GGA2: variants seen among roughly 807,000 people sequenced by gnomAD.
GGA2 encodes ADP-ribosylation factor-binding protein GGA2.
A neutral mutation model predicts 79.5 loss-of-function variants in GGA2; 48 were observed. That is an observed-to-expected ratio of 0.60 (90% CI 0.48 to 0.77). GGA2 has a LOEUF of 0.77. Ranked by LOEUF, GGA2 falls within the 30% of genes least tolerant of loss-of-function variation. GGA2 has a pLI of 0.00. For synonymous variants in GGA2, 317 were observed against 302.0 expected (o/e 1.05, Z -0.51); for missense variants, 770 against 774.0 (o/e 0.99, Z 0.06).
intron 16 of GGA2, among the ~76,000 whole-genome samples, chr16:23,468,244 C>A (rs1964466703): frequency 6.6e-6 from 1 of 152,132 alleles, no homozygotes; most frequent in African/African-American, 2.4e-5. Flanking sequence ...GTGGTGCGAT[C>A]TTGGCTCACT....
chr16:23,473,330 C>CTTTTTTTTTT lies in GGA2; in HGVS notation c.1450+1564_1450+1573dup, dbSNP rs34972165. On this transcript the variant is annotated intron_variant, in intron 14 of 16. Transcript: ENST00000309859. The stretch of plus-strand genomic sequence containing the variant: ...GTATAGATGATTTTACTTTTCTAGT[C>CTTTTTTTTTT]TTTTTTTTTTTTTTTTTTTTTTTTT... 1.8e-4 allele frequency among the ~76,000 whole-genome samples: 13 copies of CTTTTTTTTTT among 70,692 alleles called. 4 individuals are homozygous for CTTTTTTTTTT. The highest frequency in any genetic ancestry group is 5.6e-4 in the East Asian group (1 of 1,770). The allele number at this position is 70,692 out of a possible 152,430, so 46.4% of individuals were successfully genotyped here. A position where few individuals can be genotyped will look rare whatever the true frequency, so the allele number is the denominator to read the frequency against.
At position 23,478,633 on chromosome 16, in the gene GGA2, A is replaced by G. The variant is rs576152955; in HGVS notation, c.1159-132T>C. ...GACTGGTGACATCTCTTGGGGCAAG[A>G]GGGGAAAGAAAGGGCAAGATCACAT... On this transcript the variant is annotated intron_variant, in intron 12 of 16. Coordinates refer to ENST00000309859, the MANE Select transcript of GGA2 (RefSeq NM_015044.4). 3 of 912,708 alleles carry G rather than the reference A, an allele frequency of 3.3e-6. No individual in the cohort carries two copies. The East Asian group carries it at 7.4e-5, about 22-fold the overall frequency. 56.5% of individuals were successfully genotyped at this position (912,708 alleles called of 1,614,324 possible).
At chr16:23,524,257 T>A, upstream of GGA2, 4 of 849,836 alleles carry the variant, frequency 4.7e-6, no homozygotes, top group Non-Finnish European at 8.0e-6. Flanking sequence ...GTTTCCACTC[T>A]TAGTTCCTTC....
At chr16:23,492,192 G>A (rs554252259) in intron 4 of GGA2, among the ~76,000 whole-genome samples, 13 of 152,296 alleles carry the variant, frequency 8.5e-5, no homozygotes, top group East Asian at 5.8e-4. Context: ...AGACACACTC[G>A]CAGGGTGCAC....
chr16:23,480,020 C>T, intron 10 of GGA2, 133 bp from the exon 11 acceptor site: 1 of 788,240 alleles, frequency 1.3e-6, no homozygotes, highest in Non-Finnish European at 2.0e-6. Flanking sequence ...AAGAACCTTC[C>T]ACTCAGCTGA....
chr16:23,475,627 G>A (rs1964567690), intron 13 of GGA2, among the ~76,000 whole-genome samples: 1 of 151,790 alleles, frequency 6.6e-6, no homozygotes, highest in Non-Finnish European at 1.5e-5. Context: ...TTAGAGGCTG[G>A]GCACGGTGGC....
intron 14 of GGA2, among the ~76,000 whole-genome samples, chr16:23,470,778 C>CCA (rs1157858416): frequency 8.7e-5 from 13 of 149,794 alleles, no homozygotes; most frequent in Middle Eastern, 3.2e-3. Context: ...AAACAAAAAG[C>CCA]CACACACACA....
At chr16:23,480,333 AG>A (rs1262793774) in intron 10 of GGA2, 2 of 325,994 alleles carry the variant, frequency 6.1e-6, no homozygotes, top group African/African-American at 2.1e-5. Context: ...ACCTGGCACT[AG>A]GAACCACTAA....
Position 23,465,777 on chromosome 16 carries a change from C to G in GGA2, c.*1813G>C, listed in dbSNP as rs542065058. 1.0e-3 allele frequency: 200 copies of G among 194,028 alleles called. No homozygotes were observed. Among genetic ancestry groups the G allele is most frequent in the African/African-American group, 4.5e-3 (193 of 43,248 alleles). The allele number at this position is 194,028 out of a possible 1,614,324, so 12.0% of individuals were successfully genotyped here. A position where few individuals can be genotyped will look rare whatever the true frequency, so the allele number is the denominator to read the frequency against. On this transcript the variant is annotated 3_prime_UTR_variant, in exon 17 of 17. Transcript: ENST00000309859. ...CCAACATGGTGAAATCCTGTCTCTA[C>G]TAAAAATACAAAAATTAGCTGGGCG...
chr16:23,485,898 G>A (rs1404529787), intron 8 of GGA2, 117 bp downstream of exon 8: 7 of 898,770 alleles, frequency 7.8e-6, no homozygotes, highest in Non-Finnish European at 1.2e-5. Flanking sequence ...ATTTGGGGAG[G>A]TGTCAGATAT....
At chr16:23,472,189 T>G (rs907567331) in intron 14 of GGA2, among the ~76,000 whole-genome samples, 5 of 135,512 alleles carry the variant, frequency 3.7e-5, no homozygotes, top group Admixed American at 3.0e-4. Flanking sequence ...CCCTGGTTTT[T>G]TTTTTTTTTT....
chr16:23,468,290 G>C (rs1001788901), intron 16 of GGA2, among the ~76,000 whole-genome samples: 1 of 151,860 alleles, frequency 6.6e-6, no homozygotes, highest in Admixed American at 6.6e-5. Flanking sequence ...CAATTCTCCT[G>C]CCTCACTCTC....
upstream of GGA2, chr16:23,522,523 C>T (rs1965155884): frequency 6.6e-6 from 1 of 151,914 alleles, no homozygotes; most frequent in African/African-American, 2.4e-5. Flanking sequence ...CTCCAATAAA[C>T]ATAAGTGAGG....
At chr16:23,501,344 CTG>C in intron 1 of GGA2, 1 of 457,082 alleles carries the variant, frequency 2.2e-6, no homozygotes, top group South Asian at 1.5e-5. Context: ...AAATCATGGT[CTG>C]TGGAGTGTGG....
intron 14 of GGA2, 37 bp downstream of exon 14, chr16:23,474,867 A>T: frequency 2.6e-6 from 3 of 1,145,118 alleles, no homozygotes; most frequent in Non-Finnish European, 3.6e-6. Context: ...ATTCCCAGGG[A>T]AAAAAAAAAA....
At chr16:23,491,306 C>CAAAAAA (rs35347154) in intron 5 of GGA2, among the ~76,000 whole-genome samples, 2 of 66,496 alleles carry the variant, frequency 3.0e-5, no homozygotes, top group Admixed American at 2.0e-4. Flanking sequence ...CACCTTGTCT[C>CAAAAAA]AAAAAAAAAA....
At chr16:23,485,156 C>T (rs1964696338) in intron 8 of GGA2, among the ~76,000 whole-genome samples, 1 of 152,132 alleles carries the variant, frequency 6.6e-6, no homozygotes, top group Non-Finnish European at 1.5e-5. Flanking sequence ...TGTGCAACCG[C>T]ATTTGGACGA....
chr16:23,497,564 G>C (rs562731508), intron 1 of GGA2, among the ~76,000 whole-genome samples: 1 of 152,230 alleles, frequency 6.6e-6, no homozygotes, highest in African/African-American at 2.4e-5. Flanking sequence ...GGCGAGGGAA[G>C]GATCAGTGAT....
chr16:23,495,009 C>T (rs565722113), intron 2 of GGA2, among the ~76,000 whole-genome samples: 10 of 151,670 alleles, frequency 6.6e-5, no homozygotes, highest in East Asian at 5.8e-4. Context: ...CACTTGAACC[C>T]GGGAGGTGGA....
Sources: allele counts gnomAD v4.1 joint callset (sites outside exome capture counted in the v4.1 genomes callset), GRCh38; gene constraint gnomAD v4.1.1; transcripts MANE v1.5; gene names NCBI Gene and HGNC (gene_info 2026-07-23, HGNC 2026-07-21).